The following PRDX5 variants were observed in gnomAD, a reference collection of about 807,000 sequenced individuals.
PRDX5 encodes peroxiredoxin-5, mitochondrial.
Under a neutral mutation model 23.8 loss-of-function variants are expected in PRDX5, and 21 were observed. That is an observed-to-expected ratio of 0.88 (90% CI 0.63 to 1.27). PRDX5 has a LOEUF of 1.27. PRDX5 is among the 50% of genes most tolerant of loss of function. The pLI is 0.00. For synonymous variants in PRDX5, 111 were observed against 113.3 expected, an observed-to-expected ratio of 0.98 and a Z score of 0.13; for missense variants, 261 against 270.6, an observed-to-expected ratio of 0.96 and a Z score of 0.25.
chr11:64,321,494 T>C, intron 5 of PRDX5, 92 bp from the exon 6 acceptor site: 1 of 1,543,516 alleles, frequency 6.5e-7, no homozygotes, highest in Non-Finnish European at 8.7e-7. Flanking sequence ...CTCTCTGGAG[T>C]TCTCTTGGGC....
intron 1 of PRDX5, among the ~76,000 whole-genome samples, chr11:64,319,104 A>C (rs1052664094): frequency 6.7e-6 from 1 of 149,174 alleles, no homozygotes; most frequent in Non-Finnish European, 1.5e-5. Context: ...TTCCCTTTCT[A>C]CTTCATCCTG....
chr11:64,319,635 G>A (rs2035435153), intron 1 of PRDX5, 99 bp from the exon 2 acceptor site: 31 of 1,445,860 alleles, frequency 2.1e-5, no homozygotes, highest in South Asian at 1.7e-4. Context: ...TTTCAGCCCC[G>A]GTTCCTGCAG....
intron 5 of PRDX5, 38 bp from the exon 6 acceptor site, chr11:64,321,548 C>T: frequency 6.2e-7 from 1 of 1,603,050 alleles, no homozygotes; most frequent in South Asian, 1.1e-5. Context: ...CCTCCAAGCC[C>T]AGGCTGATGC....
rs1301691525 is a variant in PRDX5 at position 64,318,305 on chromosome 11, A to G, written c.90A>G (p.Ala30=). ...GAGGQSAAAA[A]RRYSEGEWAS... Reference sequence around the variant, plus strand: ...GCGGTCAGTCTGCGGCAGCGGCAGCAAGACGGTACAGTGAAGGAGAGTGGG... The same window carrying G: ...GCGGTCAGTCTGCGGCAGCGGCAGCGAGACGGTACAGTGAAGGAGAGTGGG... The change falls in exon 1 of 6, where the codon GCA becomes GCG. Residue 30 remains alanine (A), a synonymous_variant. Coordinates refer to ENST00000265462, the MANE Select transcript of PRDX5 (RefSeq NM_012094.5). The G allele has an allele frequency of 6.2e-6, 10 of 1,612,734 alleles. No individual in the cohort carries two copies. Among genetic ancestry groups the G allele is most frequent in the East Asian group, 2.2e-5 (1 of 44,860 alleles).
intron 5 of PRDX5, 40 bp downstream of exon 5, chr11:64,321,108 GGAGAGAGTCCTCTGTGGGA>G: frequency 6.4e-7 from 1 of 1,560,476 alleles, no homozygotes; most frequent in Non-Finnish European, 8.7e-7. Flanking sequence ...GTCCTCTGTG[GGAGAGAGTCCTCTGTGGGA>G]GAGAGTCCTC....
intron 5 of PRDX5, 91 bp from the exon 6 acceptor site, chr11:64,321,483 CCTCTCTGGAGTT>C: frequency 1.3e-6 from 2 of 1,528,852 alleles, no homozygotes; most frequent in Non-Finnish European, 1.8e-6. Context: ...TGGGGGGAGT[CCTCTCTGGAGTT>C]CTCTTGGGCC....
At position 64,318,425 on chromosome 11, in the gene PRDX5, C is replaced by A. The variant is rs1186286663; in HGVS notation, c.171+39C>A. 4 of 1,570,972 alleles carry A rather than the reference C, an allele frequency of 2.5e-6. No homozygotes were observed. In the South Asian group the frequency reaches 3.4e-5, roughly 14 times the overall value. ...CGGCCGGGCCTGACATCCCCCACTA[C>A]CCCCATGGCAATCCCCGTCCCGCTA... On this transcript the variant is annotated intron_variant, in intron 1 of 5. Transcript: ENST00000265462.
rs1467826481 is a variant in PRDX5, at chr11:64,321,657, G to A, written c.611G>A (p.Cys204Tyr). The change falls in exon 6 of 6, where the codon TGC becomes TAC. Residue 204 changes from cysteine (C) to tyrosine (Y), a missense_variant. Transcript: ENST00000265462. ...NVEPDGTGLTCSLAPNIISQL is the reference protein window; with the variant it reads ...NVEPDGTGLTYSLAPNIISQL ...GAACCAGATGGCACAGGCCTCACCT[G>A]CAGCCTGGCACCCAATATCATCTCA... The A allele has an allele frequency of 2.5e-6, 4 of 1,602,860 alleles. No individual in the cohort carries two copies. The highest frequency in any genetic ancestry group is 3.4e-6 in the Non-Finnish European group (4 of 1,174,990).
chr11:64,321,598 G>C lies in PRDX5; in HGVS notation c.552G>C (p.Val184=), dbSNP rs765221245. ...GNRRLKRFSM[V]VQDGIVKALN... ...CTCTTTCCGGCAGGTTCTCCATGGT[G>C]GTACAGGATGGCATAGTGAAGGCCC... Residue 184 remains valine, a synonymous_variant, in exon 6 of 6, where the codon GTG becomes GTC. Transcript: ENST00000265462. 3.7e-6 allele frequency: 6 copies of C among 1,613,552 alleles called. No individual in the cohort carries two copies. The South Asian group carries it at 6.6e-5, about 18-fold the overall frequency.
At chr11:64,321,440 G>A in intron 5 of PRDX5, 146 bp from the exon 6 acceptor site, 2 of 1,322,312 alleles carry the variant, frequency 1.5e-6, no homozygotes, top group South Asian at 1.4e-5. Context: ...AGTCCTGTGT[G>A]GTGGTGAGTC....
At chr11:64,318,861 G>A (rs375993537) in intron 1 of PRDX5, among the ~76,000 whole-genome samples, 143 of 17,436 alleles carry the variant, frequency 8.2e-3, no homozygotes, top group African/African-American at 0.03. Context: ...CCCCCGCCTC[G>A]GCTTCCCGAA....
At position 64,321,580 on chromosome 11, in the gene PRDX5, C is replaced by T. The variant is rs760233994; in HGVS notation, c.540-6C>T. Reference sequence around the variant, plus strand: ...ATGCAGCTGGCTGGGCCCCTCTTTCCGGCAGGTTCTCCATGGTGGTACAGG... The same window carrying T: ...ATGCAGCTGGCTGGGCCCCTCTTTCTGGCAGGTTCTCCATGGTGGTACAGG... On this transcript the variant is annotated splice_region_variant and splice_polypyrimidine_tract_variant and intron_variant, in intron 5 of 5. Transcript: ENST00000265462. 1.5e-5 allele frequency: 24 copies of T among 1,611,912 alleles called. No individual in the cohort carries two copies. Among genetic ancestry groups the T allele is most frequent in the Admixed American group, 1.3e-4 (8 of 59,850 alleles).
intron 5 of PRDX5, 114 bp downstream of exon 5, chr11:64,321,182 T>G (rs1591258789): frequency 8.0e-7 from 1 of 1,242,976 alleles, no homozygotes; most frequent in Admixed American, 1.8e-5. Context: ...TGGGGGAGAG[T>G]CCTCTGTGTG....
In PRDX5 at chr11:64,320,779, A is replaced by G; in HGVS notation, c.425A>G (p.Lys142Arg). Residue 142 changes from lysine to arginine, a missense_variant, in exon 3 of 6, where the codon AAG (lysine) becomes AGG (arginine). Coordinates refer to ENST00000265462, the MANE Select transcript of PRDX5 (RefSeq NM_012094.5). ...FVTGEWGRAHKAEGKVRLLAD... is the reference protein window; with the variant it reads ...FVTGEWGRAHRAEGKVRLLAD... ...ACTGGCGAGTGGGGCCGAGCCCACA[A>G]GGCGGAAGGCAAGGTGAGGTGAGGG... The G allele has an allele frequency of 6.2e-7, 1 of 1,614,174 alleles. No homozygotes were observed. The highest frequency in any genetic ancestry group is 1.1e-5 in the South Asian group (1 of 91,088).
chr11:64,318,262 T>C lies in PRDX5; in HGVS notation c.47T>C (p.Ile16Thr), dbSNP rs2035368418. 1 of 1,612,338 alleles carries C rather than the reference T, an allele frequency of 6.2e-7. No homozygotes were observed. Among genetic ancestry groups the C allele is most frequent in the Non-Finnish European group, 8.5e-7 (1 of 1,179,888 alleles). Residue 16 changes from isoleucine to threonine, a missense_variant, in exon 1 of 6, where the codon ATA (isoleucine) becomes ACA (threonine). By Grantham distance (89) the Ile-to-Thr change is moderately conservative. Transcript: ENST00000265462. ...GCCCTGAGACGCTCAGCGGGCTATA[T>C]ACTCGTCGGTGGGGCCGGCGGTCAG... ...VCALRRSAGY[I>T]LVGGAGGQSA... is the part of the protein sequence containing the mutation.
In PRDX5 at chr11:64,321,214, G is replaced by A. The variant is rs191418809; in HGVS notation, c.539+146G>A. The A allele has an allele frequency of 2.2e-5, 22 of 991,804 alleles. No individual in the cohort carries two copies. The Admixed American group carries it at 3.0e-4, about 14-fold the overall frequency. 61.4% of individuals were successfully genotyped at this position (991,804 alleles called of 1,614,324 possible). A position where few individuals can be genotyped will look rare whatever the true frequency, so the allele number is the denominator to read the frequency against. On this transcript the variant is annotated intron_variant, in intron 5 of 5. Coordinates refer to ENST00000265462, the MANE Select transcript of PRDX5 (RefSeq NM_012094.5). ...TGTGGGAGAGTCGTCTGTGGGGAGA[G>A]TCCTGTGTGGGGAGAGTCCTCTGTG...
chr11:64,321,801 G>A lies in PRDX5; in HGVS notation c.*110G>A, dbSNP rs1180591005. 5 of 1,355,962 alleles carry A rather than the reference G, an allele frequency of 3.7e-6. No homozygotes were observed. The highest frequency in any genetic ancestry group is 4.9e-6 in the Non-Finnish European group (5 of 1,013,338). The allele number at this position is 1,355,962 out of a possible 1,614,324, so 84.0% of individuals were successfully genotyped here. On this transcript the variant is annotated 3_prime_UTR_variant, in exon 6 of 6. Transcript: ENST00000265462. ...CAGATTTCTGCAATAAACACTTGTG[G>A]TTTGCGGCCATCTCCTTGGTTATGA...
chr11:64,320,095 T>C lies in PRDX5; in HGVS notation c.306+227T>C, dbSNP rs185936951. Among the ~76,000 whole-genome samples, 554 of 152,176 alleles carry C rather than the reference T, an allele frequency of 3.6e-3. 3 individuals carry two copies. The highest frequency in any genetic ancestry group is 5.6e-3 in the Non-Finnish European group (383 of 68,000). On this transcript the variant is annotated intron_variant, in intron 2 of 5. Transcript: ENST00000265462. ...GAGTTCAAAACCAGTCTGGCCAAGA[T>C]GGTGAAACCCTGTCTCTACTAAAAA...
At chr11:64,320,551 G>T in intron 2 of PRDX5, 110 bp from the exon 3 acceptor site, 4 of 1,452,064 alleles carry the variant, frequency 2.8e-6, no homozygotes, top group Non-Finnish European at 3.7e-6. Context: ...AGCTCTCATT[G>T]TCTGATCAAA....
Sources: gnomAD v4.1 joint callset for allele counts (sites outside exome capture counted in the v4.1 genomes callset) on GRCh38, gnomAD v4.1.1 for gene constraint, MANE v1.5 for transcripts, NCBI Gene and HGNC (gene_info 2026-07-23, HGNC 2026-07-21) for gene names.